METTL9: variants seen among roughly 807,000 people sequenced by gnomAD.
METTL9 encodes methyltransferase 9, His-X-His N1(pi)-histidine.
A neutral mutation model predicts 36.0 loss-of-function variants in METTL9; 10 were observed. The ratio of observed to expected loss-of-function variants is 0.28; its 90% CI spans 0.17 to 0.47. The LOEUF is 0.47. Ranked by LOEUF, METTL9 falls within the 20% of genes least tolerant of loss-of-function variation. The pLI, the probability that METTL9 is intolerant of heterozygous loss-of-function variation, is 0.99. For missense variants in METTL9, 246 were observed against 383.5 expected (o/e 0.64, Z 3.00); for synonymous variants, 175 against 149.7 (o/e 1.17, Z -1.23).
rs184374858 is a variant in METTL9, at chr16:21,650,152, A to G, written c.752-5075A>G. Among the ~76,000 whole-genome samples, 20 of 151,932 alleles carry G rather than the reference A, an allele frequency of 1.3e-4. No individual in the cohort carries two copies. The East Asian group carries it at 3.3e-3, about 25-fold the overall frequency. On this transcript the variant is annotated intron_variant, in intron 4 of 4. Coordinates refer to ENST00000358154, the MANE Select transcript of METTL9 (RefSeq NM_016025.5). ...AGCATTGTGAGTCCCTGTCTCTATT[A>G]AAGGAATAGAGTCTGGACGTGCACT... is the stretch of plus-strand genomic sequence containing the variant.
At chr16:21,631,625 A>G (rs555316632) in intron 4 of METTL9, among the ~76,000 whole-genome samples, 2 of 152,290 alleles carry the variant, frequency 1.3e-5, no homozygotes, top group South Asian at 4.1e-4. Flanking sequence ...CCTGTCCTGA[A>G]GGGAGTTCCT....
At chr16:21,632,989 TG>T (rs1966001976) in intron 4 of METTL9, among the ~76,000 whole-genome samples, 1 of 152,176 alleles carries the variant, frequency 6.6e-6, no homozygotes, top group Non-Finnish European at 1.5e-5. Flanking sequence ...TTTCTGCCTC[TG>T]GTTCCCCTTC....
chr16:21,625,572 T>C (rs1055438468), intron 4 of METTL9, among the ~76,000 whole-genome samples: 3 of 152,148 alleles, frequency 2.0e-5, no homozygotes, highest in African/African-American at 7.2e-5. Context: ...TTTTCTCTTT[T>C]GAAGACCATG....
intron 3 of METTL9, among the ~76,000 whole-genome samples, chr16:21,622,791 C>T (rs1283344005): frequency 6.6e-6 from 1 of 152,190 alleles, no homozygotes; most frequent in Non-Finnish European, 1.5e-5. Flanking sequence ...ACAGAGGCTA[C>T]CTATCTGAAA....
chr16:21,635,696 T>C (rs556452948), intron 4 of METTL9, among the ~76,000 whole-genome samples: 7 of 152,264 alleles, frequency 4.6e-5, no homozygotes, highest in Non-Finnish European at 8.8e-5. Flanking sequence ...GTGGGTCAAA[T>C]TGGTCCCAGT....
At chr16:21,652,675 G>A in intron 4 of METTL9, 2 of 1,107,590 alleles carry the variant, frequency 1.8e-6, no homozygotes, top group Non-Finnish European at 2.7e-6. Context: ...GGGAAGAAGA[G>A]CTGAAGAGAG....
At chr16:21,639,696 T>C (rs1011667213) in intron 4 of METTL9, 2 of 152,222 alleles carry the variant, frequency 1.3e-5, no homozygotes, top group African/African-American at 4.8e-5. Flanking sequence ...CCCACACATA[T>C]ACACATGTGC....
intron 4 of METTL9, chr16:21,652,789 T>A: frequency 2.1e-6 from 1 of 486,688 alleles, no homozygotes; most frequent in Non-Finnish European, 3.7e-6. Flanking sequence ...TTTAGAAATG[T>A]GCATATCTTT....
chr16:21,630,894 C>G (rs1307299083), intron 4 of METTL9, among the ~76,000 whole-genome samples: 1 of 152,002 alleles, frequency 6.6e-6, no homozygotes, highest in African/African-American at 2.4e-5. Context: ...AAGGTGGTGT[C>G]TGATTTCAGA....
chr16:21,599,881 A>G lies in METTL9; in HGVS notation c.148A>G (p.Arg50Gly), dbSNP rs749870474. 8 of 1,466,050 alleles carry G rather than the reference A, an allele frequency of 5.5e-6. No homozygotes were observed. Among genetic ancestry groups the G allele is most frequent in the South Asian group, 1.3e-5 (1 of 77,236 alleles). 90.8% of individuals were successfully genotyped at this position (1,466,050 alleles called of 1,614,324 possible). The change falls in exon 1 of 5, where the codon AGG becomes GGG. Residue 50 changes from arginine to glycine, a missense_variant. This residue lies in a region of METTL9 where 100 missense variants were observed against 81.4 expected (regional missense o/e 1.23). Coordinates refer to ENST00000358154, the MANE Select transcript of METTL9 (RefSeq NM_016025.5). The surrounding 1 kb of genome is among the most constrained non-coding windows in gnomAD (Gnocchi z 4.4). ...PGGPAAAAGG[R>G]KENHQWYVCN... ...TGGGCCGGCGGCGGCCGCGGGCGGCAGGAAGGAGAACCACCAGGTACGGGC... is the reference window on the plus strand; with the variant it reads ...TGGGCCGGCGGCGGCCGCGGGCGGCGGGAAGGAGAACCACCAGGTACGGGC...
At chr16:21,630,995 T>TC (rs1242988498) in intron 4 of METTL9, among the ~76,000 whole-genome samples, 1 of 152,014 alleles carries the variant, frequency 6.6e-6, no homozygotes, top group Admixed American at 6.6e-5. Flanking sequence ...AGGTGCAGAG[T>TC]CCTCCCTTCT....
chr16:21,633,999 T>C (rs559880666), intron 4 of METTL9, among the ~76,000 whole-genome samples: 2 of 152,258 alleles, frequency 1.3e-5, no homozygotes, highest in African/African-American at 4.8e-5. Flanking sequence ...ATGTAGATAA[T>C]AGCTCCAGCT....
At chr16:21,618,350 A>AT (rs1293400180) in intron 3 of METTL9, among the ~76,000 whole-genome samples, 2 of 152,218 alleles carry the variant, frequency 1.3e-5, no homozygotes, top group African/African-American at 4.8e-5. Flanking sequence ...CTCAAAAAAA[A>AT]TTTTTTTAAG....
In METTL9 at chr16:21,599,580, C is replaced by G. The variant is rs1965042268; in HGVS notation, c.-154C>G. On this transcript the variant is annotated 5_prime_UTR_variant, in exon 1 of 5. Transcript: ENST00000358154. This position sits in a 1 kb window ranked among gnomAD's most constrained non-coding sequence, Gnocchi z 4.4. Reference sequence around the variant, plus strand: ...CGAGGCTGCGCGCCGGCTGCTCCTCCCCACCCCCAGCCTTTGCCCTGAAGG... The same window carrying G: ...CGAGGCTGCGCGCCGGCTGCTCCTCGCCACCCCCAGCCTTTGCCCTGAAGG... The G allele has an allele frequency of 7.7e-7, 1 of 1,293,164 alleles. No homozygotes were observed. The highest frequency in any genetic ancestry group is 1.6e-5 in the African/African-American group (1 of 63,890). 80.1% of individuals were successfully genotyped at this position (1,293,164 alleles called of 1,614,324 possible).
At chr16:21,612,563 CT>C (rs998189469) in intron 1 of METTL9, 81 bp from the exon 2 acceptor site, 1 of 1,301,452 alleles carries the variant, frequency 7.7e-7, no homozygotes, top group Non-Finnish European at 1.0e-6. Context: ...ATTTAGTCTT[CT>C]GGTTTTTTGT....
chr16:21,599,658 G>A lies in METTL9; in HGVS notation c.-76G>A. The A allele has an allele frequency of 7.4e-7, 1 of 1,350,620 alleles. No individual in the cohort carries two copies. The highest frequency in any genetic ancestry group is 1.8e-5 in the South Asian group (1 of 55,318). 83.7% of individuals were successfully genotyped at this position (1,350,620 alleles called of 1,614,324 possible). On this transcript the variant is annotated 5_prime_UTR_variant, in exon 1 of 5. It adds an upstream start codon to the 5' untranslated region. Transcript: ENST00000358154. The surrounding 1 kb of genome is among the most constrained non-coding windows in gnomAD (Gnocchi z 4.4). ...GGCTCGAGCTCGGGCGGTGGCGGCG[G>A]TGGCCGGAGGCGGCGGTGCCTCCTC... is the stretch of plus-strand genomic sequence containing the variant.
intron 4 of METTL9, among the ~76,000 whole-genome samples, chr16:21,629,936 C>A (rs1160181792): frequency 1.3e-5 from 2 of 151,964 alleles, no homozygotes; most frequent in African/African-American, 4.8e-5. Context: ...TTTACAATCC[C>A]TTAGCAAGAC....
At chr16:21,597,354 T>C, upstream of METTL9, 3 of 1,181,130 alleles carry the variant, frequency 2.5e-6, no homozygotes, top group East Asian at 1.7e-4. Flanking sequence ...GATCATCGGA[T>C]GCTCTGGTTT....
chr16:21,637,883 G>A (rs953588760), intron 4 of METTL9, among the ~76,000 whole-genome samples: 7 of 152,380 alleles, frequency 4.6e-5, no homozygotes, highest in South Asian at 2.1e-4. Flanking sequence ...CGCTGAGAGC[G>A]AGCGAGGGCT....
Sources: gnomAD v4.1 joint callset for allele counts (sites outside exome capture counted in the v4.1 genomes callset) on GRCh38, gnomAD v4.1.1 for gene constraint, gnomAD v4.1.1 regional missense constraint, Gnocchi (gnomAD v3.1) non-coding constraint, MANE v1.5 for transcripts, NCBI Gene and HGNC (gene_info 2026-07-23, HGNC 2026-07-21) for gene names.